GUCY1A2: variants seen among roughly 807,000 people sequenced by gnomAD.
GUCY1A2 encodes the protein guanylate cyclase soluble subunit alpha-2.
A neutral mutation model predicts 63.5 loss-of-function variants in GUCY1A2; 27 were observed. The ratio of observed to expected loss-of-function variants is 0.43; its 90% CI spans 0.31 to 0.59. The LOEUF (loss-of-function observed/expected upper bound fraction) is 0.59. GUCY1A2 is among the 20% of genes least tolerant of loss of function. The pLI is 0.11. For synonymous variants in GUCY1A2, 364 were observed against 343.5 expected (o/e 1.06, Z -0.66); for missense variants, 768 against 913.3 (o/e 0.84, Z 2.05).
At chr11:107,011,213 G>A (rs528622694) in intron 1 of GUCY1A2, among the ~76,000 whole-genome samples, 63 of 152,264 alleles carry the variant, frequency 4.1e-4, no homozygotes, top group African/African-American at 1.4e-3. Flanking sequence ...GTGCCTACAT[G>A]TGTGTGAAAT....
At chr11:106,766,674 T>C (rs1864169562) in intron 6 of GUCY1A2, among the ~76,000 whole-genome samples, 1 of 152,048 alleles carries the variant, frequency 6.6e-6, no homozygotes, top group African/African-American at 2.4e-5. Flanking sequence ...ACTAAATCAA[T>C]AGTGTGATTA....
chr11:106,900,385 C>G (rs1278650599), intron 4 of GUCY1A2, among the ~76,000 whole-genome samples: 1 of 152,110 alleles, frequency 6.6e-6, no homozygotes, highest in Non-Finnish European at 1.5e-5. Context: ...GGTTTTGCCA[C>G]TTTGCCCACG....
intron 1 of GUCY1A2, among the ~76,000 whole-genome samples, chr11:107,010,533 G>T (rs541656483): frequency 2.6e-5 from 4 of 152,212 alleles, no homozygotes; most frequent in African/African-American, 9.6e-5. Context: ...TCCTTCCGAA[G>T]TTTTGCTTTA....
intron 1 of GUCY1A2, among the ~76,000 whole-genome samples, chr11:106,992,821 T>C (rs1861488263): frequency 6.6e-6 from 1 of 152,144 alleles, no homozygotes; most frequent in Non-Finnish European, 1.5e-5. Context: ...TTTAAATAAT[T>C]CCACTTCCCC....
intron 3 of GUCY1A2, among the ~76,000 whole-genome samples, chr11:106,940,966 G>T (rs117305795): frequency 0.013 from 1,953 of 152,186 alleles, 26 homozygotes; most frequent in South Asian, 0.048. Flanking sequence ...AACCAGAAAA[G>T]AAATCTATGG....
chr11:106,863,565 G>C (rs1224682250), intron 4 of GUCY1A2, among the ~76,000 whole-genome samples: 1 of 151,408 alleles, frequency 6.6e-6, no homozygotes, highest in African/African-American at 2.4e-5. Flanking sequence ...TCTGATGTCA[G>C]GTAGCACGCC....
At chr11:106,761,600 A>G (rs1242622756) in intron 6 of GUCY1A2, among the ~76,000 whole-genome samples, 3 of 152,280 alleles carry the variant, frequency 2.0e-5, no homozygotes, top group East Asian at 3.9e-4. Flanking sequence ...TTAAATCTAA[A>G]TATCAATCTA....
Position 107,018,084 on chromosome 11 carries a change from C to T in GUCY1A2, c.-29G>A. The T allele has an allele frequency of 7.2e-7, 1 of 1,397,180 alleles. No individual in the cohort carries two copies. The highest frequency in any genetic ancestry group is 9.4e-7 in the Non-Finnish European group (1 of 1,059,218). 86.5% of individuals were successfully genotyped at this position (1,397,180 alleles called of 1,614,324 possible). A position where few individuals can be genotyped will look rare whatever the true frequency, so the allele number is the denominator to read the frequency against. On this transcript the variant is annotated 5_prime_UTR_variant, in exon 1 of 8. Coordinates refer to ENST00000526355, the MANE Select transcript of GUCY1A2 (RefSeq NM_000855.3). ...GCCGGCGGAGCTGCAGCGGCCGAGG[C>T]GGTGGCGGCGAGGACGCGAGCGGCG...
At chr11:106,912,050 C>G (rs1860302698) in intron 4 of GUCY1A2, among the ~76,000 whole-genome samples, 1 of 151,880 alleles carries the variant, frequency 6.6e-6, no homozygotes, top group Admixed American at 6.6e-5. Flanking sequence ...ACTCCATTGC[C>G]ACATTCCTCC....
chr11:106,918,123 G>GT (rs1860393270), intron 4 of GUCY1A2, among the ~76,000 whole-genome samples: 1 of 144,238 alleles, frequency 6.9e-6, no homozygotes, highest in Non-Finnish European at 1.6e-5. Context: ...TAACGCCCCT[G>GT]TTTGCATGCC....
intron 6 of GUCY1A2, among the ~76,000 whole-genome samples, chr11:106,744,794 C>T (rs972187122): frequency 6.6e-6 from 1 of 152,116 alleles, no homozygotes; most frequent in Admixed American, 6.6e-5. Flanking sequence ...ATAAAAGCAG[C>T]TAATTGTGTA....
At chr11:106,870,991 T>G (rs116866255) in intron 4 of GUCY1A2, among the ~76,000 whole-genome samples, 305 of 152,292 alleles carry the variant, frequency 2.0e-3, no homozygotes, top group Admixed American at 4.8e-3. Context: ...ATTGGCTTAT[T>G]ATGATAAGCT....
intron 1 of GUCY1A2, among the ~76,000 whole-genome samples, chr11:107,002,147 AAG>A (rs1861619788): frequency 6.6e-6 from 1 of 152,194 alleles, no homozygotes; most frequent in Non-Finnish European, 1.5e-5. Context: ...CAGAAAAGGA[AAG>A]AGAGCCAAGA....
At chr11:107,007,160 G>A (rs1861682168) in intron 1 of GUCY1A2, among the ~76,000 whole-genome samples, 2 of 152,070 alleles carry the variant, frequency 1.3e-5, no homozygotes, top group Non-Finnish European at 2.9e-5. Flanking sequence ...AAATATCCTT[G>A]GGCTTTTCAA....
intron 6 of GUCY1A2, among the ~76,000 whole-genome samples, chr11:106,758,787 ATAGT>A (rs775038557): frequency 7.9e-5 from 12 of 152,350 alleles, no homozygotes; most frequent in East Asian, 1.9e-4. Context: ...AGCATGTAGC[ATAGT>A]TAGAGAGGGA....
intron 3 of GUCY1A2, among the ~76,000 whole-genome samples, chr11:106,958,487 T>G (rs1018732789): frequency 6.6e-6 from 1 of 152,188 alleles, no homozygotes; most frequent in Non-Finnish European, 1.5e-5. Context: ...AATCTCCTCT[T>G]CTCACAGAAG....
At chr11:106,876,700 C>T (rs945128449) in intron 4 of GUCY1A2, among the ~76,000 whole-genome samples, 1 of 152,116 alleles carries the variant, frequency 6.6e-6, no homozygotes, top group East Asian at 1.9e-4. Context: ...CTTATACCAG[C>T]CTGCTTAGCA....
intron 4 of GUCY1A2, among the ~76,000 whole-genome samples, chr11:106,871,025 A>G (rs777792593): frequency 1.4e-4 from 22 of 152,250 alleles, no homozygotes; most frequent in Admixed American, 1.4e-3. Context: ...GACCATGTCC[A>G]TATTTCCAGT....
chr11:106,943,143 G>T (rs1860773122), intron 3 of GUCY1A2, among the ~76,000 whole-genome samples: 1 of 152,082 alleles, frequency 6.6e-6, no homozygotes, highest in South Asian at 2.1e-4. Context: ...AAATATACAA[G>T]TCAATAGCCA....
Sources: gnomAD v4.1 joint callset for allele counts (sites outside exome capture counted in the v4.1 genomes callset) on GRCh38, gnomAD v4.1.1 for gene constraint, MANE v1.5 for transcripts, NCBI Gene and HGNC (gene_info 2026-07-23, HGNC 2026-07-21) for gene names.